The following ATF7 variants were observed in gnomAD, a reference collection of about 807,000 sequenced individuals.
The protein encoded by ATF7 is activating transcription factor 7.
In ATF7, 10 loss-of-function variants were observed where a neutral mutation model predicts 50.4. The observed-to-expected ratio is 0.20, with a 90% CI of 0.12 to 0.34. The LOEUF (loss-of-function observed/expected upper bound fraction) is 0.34. ATF7 is among the 10% of genes least tolerant of loss of function. ATF7 has a pLI of 1.00. For missense variants in ATF7, 465 were observed against 613.9 expected (o/e 0.76, Z 2.56); for synonymous variants, 201 against 226.4 (o/e 0.89, Z 1.01).
Position 53,609,821 on chromosome 12 carries a change from C to CTTTTTTTTTTTTT in ATF7, c.-21-8813_-21-8801dup, listed in dbSNP as rs757421100. 1.1e-3 allele frequency among the ~76,000 whole-genome samples: 132 copies of CTTTTTTTTTTTTT among 115,892 alleles called. 9 individuals are homozygous for CTTTTTTTTTTTTT. Among genetic ancestry groups the CTTTTTTTTTTTTT allele is most frequent in the East Asian group, 3.2e-3 (9 of 2,822 alleles). The allele number at this position is 115,892 out of a possible 152,430, so 76.0% of individuals were successfully genotyped here. ...TAGCCTTATTGTTTTAAATGTTATGCTTTTTTTTTTTTTTAGACAGGGTCT... is the reference window on the plus strand; with the variant it reads ...TAGCCTTATTGTTTTAAATGTTATGCTTTTTTTTTTTTTTTTTTTTTTTTTTTAGACAGGGTCT... On this transcript the variant is annotated intron_variant, in intron 1 of 11. Coordinates refer to ENST00000420353, the MANE Select transcript of ATF7 (RefSeq NM_006856.3).
At chr12:53,530,783 A>T (rs1938820122) in intron 9 of ATF7, among the ~76,000 whole-genome samples, 1 of 151,578 alleles carries the variant, frequency 6.6e-6, no homozygotes, top group African/African-American at 2.4e-5. Flanking sequence ...AATTTTTTGT[A>T]TTTTTAGTAG....
chr12:53,557,511 GT>G (rs1940827155), intron 2 of ATF7, among the ~76,000 whole-genome samples: 2 of 152,168 alleles, frequency 1.3e-5, no homozygotes, highest in African/African-American at 4.8e-5. Context: ...CCCCTCGTTT[GT>G]TAATACCCTT....
At chr12:53,557,918 C>A (rs543565202) in intron 2 of ATF7, among the ~76,000 whole-genome samples, 2 of 152,094 alleles carry the variant, frequency 1.3e-5, no homozygotes, top group Non-Finnish European at 2.9e-5. Context: ...TTTGGATATA[C>A]CAGGTTAAAT....
chr12:53,518,252 GA>G (rs1322048946), intron 11 of ATF7, among the ~76,000 whole-genome samples: 1 of 152,256 alleles, frequency 6.6e-6, no homozygotes, highest in Non-Finnish European at 1.5e-5. Context: ...ATGATATTAT[GA>G]ATGGCCAGTC....
At chr12:53,558,700 C>G (rs1940902430) in intron 2 of ATF7, among the ~76,000 whole-genome samples, 1 of 151,926 alleles carries the variant, frequency 6.6e-6, no homozygotes, top group African/African-American at 2.4e-5. Context: ...ATTTTTACTC[C>G]CTTATGAAGA....
At position 53,573,884 on chromosome 12, in the gene ATF7, G is replaced by A. The variant is rs144776383; in HGVS notation, c.49-21247C>T. ...GGGGAAAAGAAAACAAAACTGAGAA[G>A]CACTGGTGAAGTTTATAGTCCAGGG... is the stretch of plus-strand genomic sequence containing the variant. On this transcript the variant is annotated intron_variant, in intron 2 of 11. Transcript: ENST00000420353. Among the ~76,000 whole-genome samples the A allele has an allele frequency of 1.5e-3, 229 of 152,284 alleles. 1 individual carries two copies. Among genetic ancestry groups the A allele is most frequent in the African/African-American group, 5.5e-3 (227 of 41,544 alleles).
intron 2 of ATF7, among the ~76,000 whole-genome samples, chr12:53,586,743 T>C (rs1171941956): frequency 5.9e-5 from 9 of 152,154 alleles, no homozygotes; most frequent in African/African-American, 2.2e-4. Context: ...CACTTTTTCT[T>C]TGCATTTACT....
At chr12:53,555,490 ATT>A (rs543048867) in intron 2 of ATF7, among the ~76,000 whole-genome samples, 255 of 100,652 alleles carry the variant, frequency 2.5e-3, no homozygotes, top group South Asian at 7.3e-3. Context: ...AAATAATATA[ATT>A]TTTTTTTTTT....
At chr12:53,525,986 G>A (rs1160123746) in intron 9 of ATF7, among the ~76,000 whole-genome samples, 3 of 152,080 alleles carry the variant, frequency 2.0e-5, no homozygotes, top group Admixed American at 6.5e-5. Flanking sequence ...TGAGGCAGGC[G>A]GATCACTTGA....
chr12:53,579,551 CAAAAAA>C (rs532383571), intron 2 of ATF7, among the ~76,000 whole-genome samples: 1 of 60,650 alleles, frequency 1.6e-5, no homozygotes, highest in African/African-American at 5.7e-5. Flanking sequence ...AACTCCGTCT[CAAAAAA>C]AAAAAAAAAA....
chr12:53,609,231 C>T (rs1458486397), intron 1 of ATF7, among the ~76,000 whole-genome samples: 1 of 151,400 alleles, frequency 6.6e-6, no homozygotes, highest in East Asian at 1.9e-4. Flanking sequence ...CTCAGCTCAC[C>T]ACAACCTCTG....
intron 9 of ATF7, among the ~76,000 whole-genome samples, chr12:53,528,359 A>C (rs1341397556): frequency 6.6e-6 from 1 of 152,090 alleles, no homozygotes; most frequent in Non-Finnish European, 1.5e-5. Context: ...CAGGTGCAGT[A>C]GTTCATGCCT....
intron 2 of ATF7, among the ~76,000 whole-genome samples, chr12:53,600,162 T>C (rs1437472033): frequency 6.6e-6 from 1 of 152,208 alleles, no homozygotes; most frequent in Non-Finnish European, 1.5e-5. Context: ...CTGCTGTAGC[T>C]GCTAACAATG....
chr12:53,551,911 T>G (rs1940381341), intron 3 of ATF7, among the ~76,000 whole-genome samples: 2 of 152,202 alleles, frequency 1.3e-5, no homozygotes, highest in South Asian at 4.1e-4. Context: ...GCTGCCTGGT[T>G]TGAGAGCAGT....
chr12:53,560,211 C>T (rs1455064364), intron 2 of ATF7, among the ~76,000 whole-genome samples: 1 of 152,044 alleles, frequency 6.6e-6, no homozygotes, highest in South Asian at 2.1e-4. Flanking sequence ...CATGAGCCAC[C>T]GCACCCGGCC....
intron 2 of ATF7, among the ~76,000 whole-genome samples, chr12:53,572,404 A>G (rs1472781162): frequency 1.3e-5 from 2 of 152,188 alleles, no homozygotes; most frequent in African/African-American, 2.4e-5. Flanking sequence ...TAATTGATGA[A>G]GCTAGAGGCC....
At chr12:53,562,844 A>C (rs1941222728) in intron 2 of ATF7, among the ~76,000 whole-genome samples, 1 of 152,154 alleles carries the variant, frequency 6.6e-6, no homozygotes, top group Non-Finnish European at 1.5e-5. Flanking sequence ...AATTGTAACC[A>C]CAGGAAAAAG....
chr12:53,550,331 A>AAAAAAAT (rs1214452844), intron 3 of ATF7, among the ~76,000 whole-genome samples: 3 of 123,650 alleles, frequency 2.4e-5, no homozygotes, highest in African/African-American at 9.9e-5. Flanking sequence ...CTCAAAAAAA[A>AAAAAAAT]AAATAAATAA....
intron 3 of ATF7, among the ~76,000 whole-genome samples, chr12:53,551,895 A>C (rs1196780097): frequency 6.6e-5 from 10 of 152,340 alleles, no homozygotes; most frequent in African/African-American, 2.4e-4. Flanking sequence ...ATGGTACAGC[A>C]GAATTGCTGC....
Sources: allele counts gnomAD v4.1 joint callset (sites outside exome capture counted in the v4.1 genomes callset), GRCh38; gene constraint gnomAD v4.1.1; transcripts MANE v1.5; gene names NCBI Gene and HGNC (gene_info 2026-07-23, HGNC 2026-07-21).